The following THUMPD3 variants were observed in gnomAD, a reference collection of about 807,000 sequenced individuals.
THUMPD3 encodes THUMP domain 3 tRNA guanosine methyltransferase.
A neutral mutation model predicts 54.5 loss-of-function variants in THUMPD3; 44 were observed. That is an observed-to-expected ratio of 0.81 (90% CI 0.63 to 1.04). THUMPD3 has a LOEUF of 1.04. THUMPD3 is among the 50% of genes least tolerant of loss of function. THUMPD3 has a pLI of 0.00. For missense variants in THUMPD3, 604 were observed against 601.3 expected (o/e 1.00, Z -0.05); for synonymous variants, 196 against 201.4 (o/e 0.97, Z 0.23).
In THUMPD3 at chr3:9,384,880, T is replaced by A; in HGVS notation, c.*192T>A. 1.6e-6 allele frequency: 1 copy of A among 619,888 alleles called. No homozygotes were observed. Among genetic ancestry groups the A allele is most frequent in the Non-Finnish European group, 2.7e-6 (1 of 368,514 alleles). 38.4% of individuals were successfully genotyped at this position (619,888 alleles called of 1,614,324 possible). ...GTTTTATGAGACCAGGCACAGTGGCTCACGACTGTAATTCCAGCAGTTTAG... is the reference window on the plus strand; with the variant it reads ...GTTTTATGAGACCAGGCACAGTGGCACACGACTGTAATTCCAGCAGTTTAG... On this transcript the variant is annotated 3_prime_UTR_variant, in exon 10 of 10. Transcript: ENST00000452837.
rs1382419359 is a variant in THUMPD3 at position 9,385,222 on chromosome 3, T to C, written c.*534T>C. On this transcript the variant is annotated 3_prime_UTR_variant, in exon 10 of 10. Transcript: ENST00000452837. ...TTAATTAGTATTTTGTTGAAAATAC[T>C]TTAAAGATGCCTAGTGAAAAGCCTA... 2 of 153,106 alleles carry C rather than the reference T, an allele frequency of 1.3e-5. No individual in the cohort carries two copies. The highest frequency in any genetic ancestry group is 6.5e-5 in the Admixed American group (1 of 15,410). 9.5% of individuals were successfully genotyped at this position (153,106 alleles called of 1,614,324 possible).
At chr3:9,366,014 T>A (rs1052386581) in intron 2 of THUMPD3, among the ~76,000 whole-genome samples, 1 of 152,156 alleles carries the variant, frequency 6.6e-6, no homozygotes. Flanking sequence ...GTAGTAGGAT[T>A]GCTACATTTT....
chr3:9,374,274 C>T (rs1490177268), intron 4 of THUMPD3, among the ~76,000 whole-genome samples: 1 of 152,050 alleles, frequency 6.6e-6, no homozygotes, highest in Non-Finnish European at 1.5e-5. Context: ...ATTTTGAAGG[C>T]TTAGAGGTTT....
At chr3:9,374,190 CTA>C (rs1229934666) in intron 4 of THUMPD3, among the ~76,000 whole-genome samples, 1 of 152,056 alleles carries the variant, frequency 6.6e-6, no homozygotes, top group African/African-American at 2.4e-5. Context: ...ATTTTAATAT[CTA>C]TTATTTTCTT....
At chr3:9,367,216 G>C (rs1232630326) in intron 3 of THUMPD3, among the ~76,000 whole-genome samples, 1 of 152,146 alleles carries the variant, frequency 6.6e-6, no homozygotes, top group Non-Finnish European at 1.5e-5. Context: ...AAAACACCTT[G>C]TTTTACTTGT....
At position 9,384,564 on chromosome 3, in the gene THUMPD3, C is replaced by G. The variant is rs2033195992; in HGVS notation, c.1400C>G (p.Thr467Arg). 1 of 1,614,158 alleles carries G rather than the reference C, an allele frequency of 6.2e-7. No homozygotes were observed. Among genetic ancestry groups the G allele is most frequent in the Non-Finnish European group, 8.5e-7 (1 of 1,180,040 alleles). Reference sequence around the variant, plus strand: ...CGACACGTATGGCGAAAGGTGGATACAGTCTGGGTGAACGTTGGTGGTCTT... The same window carrying G: ...CGACACGTATGGCGAAAGGTGGATAGAGTCTGGGTGAACGTTGGTGGTCTT... ...GMRHVWRKVD[T>R]VWVNVGGLRA... is the part of the protein sequence containing the mutation. The change falls in exon 10 of 10, where the codon ACA becomes AGA. Residue 467 changes from threonine to arginine, a missense_variant. Physicochemically the swap from Thr to Arg is moderately conservative, Grantham distance 71. Coordinates refer to ENST00000452837, the MANE Select transcript of THUMPD3 (RefSeq NM_001114092.2).
intron 6 of THUMPD3, 90 bp from the exon 7 acceptor site, chr3:9,380,413 G>A: frequency 1.1e-6 from 1 of 882,426 alleles, no homozygotes; most frequent in Non-Finnish European, 1.8e-6. Flanking sequence ...TGCCACTCTA[G>A]AAAAGCACTG....
rs1414451027 is a variant in THUMPD3 at position 9,384,548 on chromosome 3, T to A, written c.1384T>A (p.Trp462Arg). 1.9e-6 allele frequency: 3 copies of A among 1,614,122 alleles called. No individual in the cohort carries two copies. The South Asian group carries it at 3.3e-5, about 18-fold the overall frequency. The change falls in exon 10 of 10, where the codon TGG becomes AGG. Residue 462 changes from tryptophan (W) to arginine (R), a missense_variant. By Grantham distance (101) the Trp-to-Arg change is moderately radical (BLOSUM62 -3). Coordinates refer to ENST00000452837, the MANE Select transcript of THUMPD3 (RefSeq NM_001114092.2). Reference protein sequence around the residue: ...TKALSGMRHVWRKVDTVWVNV... With the variant: ...TKALSGMRHVRRKVDTVWVNV... Reference sequence around the variant, plus strand: ...GGCGTTATCTGGAATGCGACACGTATGGCGAAAGGTGGATACAGTCTGGGT... The same window carrying A: ...GGCGTTATCTGGAATGCGACACGTAAGGCGAAAGGTGGATACAGTCTGGGT...
chr3:9,383,190 TC>T lies in THUMPD3; in HGVS notation c.1125-5del, dbSNP rs1372627293. ...AGTATGTTGAAGCACCTTTCCTTTG[TC>T]CCCACAGCAAACCCTCCTGGGGCTT... On this transcript the variant is annotated splice_polypyrimidine_tract_variant and splice_region_variant and intron_variant, in intron 7 of 9. Coordinates refer to ENST00000452837, the MANE Select transcript of THUMPD3 (RefSeq NM_001114092.2). The T allele has an allele frequency of 5.0e-6, 8 of 1,604,336 alleles. No individual in the cohort carries two copies. Among genetic ancestry groups the T allele is most frequent in the Non-Finnish European group, 6.8e-6 (8 of 1,171,556 alleles).
In THUMPD3 at chr3:9,384,805, C is replaced by T; in HGVS notation, c.*117C>T. On this transcript the variant is annotated 3_prime_UTR_variant, in exon 10 of 10. Coordinates refer to ENST00000452837, the MANE Select transcript of THUMPD3 (RefSeq NM_001114092.2). ...GCACTCTTTAAACCTGTTTAAGGCT[C>T]TTCATCCTGGTTAGCAAAAGGTGTG... is the stretch of plus-strand genomic sequence containing the variant. 8.4e-7 allele frequency: 1 copy of T among 1,189,430 alleles called. No individual in the cohort carries two copies. The highest frequency in any genetic ancestry group is 1.2e-6 in the Non-Finnish European group (1 of 848,280). The allele number at this position is 1,189,430 out of a possible 1,614,324, so 73.7% of individuals were successfully genotyped here. A position where few individuals can be genotyped will look rare whatever the true frequency, so the allele number is the denominator to read the frequency against.
chr3:9,364,451 A>G lies in THUMPD3; in HGVS notation c.-53-565A>G, dbSNP rs907304428. 2.6e-5 allele frequency among the ~76,000 whole-genome samples: 4 copies of G among 151,814 alleles called. 1 individual carries two copies. The highest frequency in any genetic ancestry group is 2.1e-4 in the South Asian group (1 of 4,812). On this transcript the variant is annotated intron_variant, in intron 1 of 9. Transcript: ENST00000452837. ...AATCTCCACCTCCCGGATTCAAGCA[A>G]TTCTCCTCCCTCAGCCTCCCAAGTA...
chr3:9,376,952 T>G (rs543315223), intron 5 of THUMPD3, among the ~76,000 whole-genome samples: 45 of 152,314 alleles, frequency 3.0e-4, no homozygotes, highest in African/African-American at 1.1e-3. Context: ...TGGAAAGAGC[T>G]TAAGTCCATG....
At chr3:9,383,913 A>G (rs1018100093) in intron 8 of THUMPD3, among the ~76,000 whole-genome samples, 2 of 152,128 alleles carry the variant, frequency 1.3e-5, no homozygotes, top group African/African-American at 2.4e-5. Context: ...TGAGCCACCA[A>G]AACACCTGGC....
chr3:9,380,634 AT>A lies in THUMPD3; in HGVS notation c.1124+19del. 1 of 1,545,392 alleles carries A rather than the reference AT, an allele frequency of 6.5e-7. No individual in the cohort carries two copies. Among genetic ancestry groups the A allele is most frequent in the Non-Finnish European group, 8.9e-7 (1 of 1,122,824 alleles). On this transcript the variant is annotated intron_variant, in intron 7 of 9. Transcript: ENST00000452837. Reference sequence around the variant, plus strand: ...TTAAAGAAGGGTAAAAATTTAAAAGATTTCTTAGCATCTTTTAGAGTTAGAG... The same window carrying A: ...TTAAAGAAGGGTAAAAATTTAAAAGATTCTTAGCATCTTTTAGAGTTAGAG...
Position 9,383,388 on chromosome 3 carries a change from C to T in THUMPD3, c.1235+79C>T. 6 of 1,155,668 alleles carry T rather than the reference C, an allele frequency of 5.2e-6. 1 individual carries two copies. The highest frequency in any genetic ancestry group is 4.4e-4 in the Middle Eastern group (2 of 4,530). 71.6% of individuals were successfully genotyped at this position (1,155,668 alleles called of 1,614,324 possible). The stretch of plus-strand genomic sequence containing the variant: ...GTTTATTCTAAGTCAGGAAAAAAAT[C>T]TTGAATTTTAGCAGACTTAGCAGAG... On this transcript the variant is annotated intron_variant, in intron 8 of 9. Transcript: ENST00000452837.
At chr3:9,375,937 G>T (rs1437504280) in intron 5 of THUMPD3, among the ~76,000 whole-genome samples, 1 of 152,192 alleles carries the variant, frequency 6.6e-6, no homozygotes, top group Admixed American at 6.5e-5. Context: ...TTGGAAGATT[G>T]TCATGCAGTA....
intron 8 of THUMPD3, 56 bp downstream of exon 8, chr3:9,383,365 T>TAG: frequency 7.3e-7 from 1 of 1,375,582 alleles, no homozygotes; most frequent in Non-Finnish European, 1.0e-6. Context: ...TTCCTTGCGT[T>TAG]TATTCTAAGT....
chr3:9,380,195 C>G (rs572794459), intron 6 of THUMPD3, among the ~76,000 whole-genome samples: 1 of 151,962 alleles, frequency 6.6e-6, no homozygotes, highest in African/African-American at 2.4e-5. Flanking sequence ...AATAATTAAC[C>G]GTGGGACAAG....
In THUMPD3 at chr3:9,377,918, G is replaced by C. The variant is rs371834291; in HGVS notation, c.1008+30G>C. On this transcript the variant is annotated intron_variant, in intron 6 of 9. Coordinates refer to ENST00000452837, the MANE Select transcript of THUMPD3 (RefSeq NM_001114092.2). ...TCATATTTCTTTAGCTTTTAGATAA[G>C]AGTGATACATCCAGAATATTCTAGA... is the stretch of plus-strand genomic sequence containing the variant. The C allele has an allele frequency of 2.0e-5, 31 of 1,555,434 alleles. No individual in the cohort carries two copies. In the African/African-American group the frequency reaches 4.1e-4, roughly 20 times the overall value.
Sources: allele counts gnomAD v4.1 joint callset (sites outside exome capture counted in the v4.1 genomes callset), GRCh38; gene constraint gnomAD v4.1.1; transcripts MANE v1.5; gene names NCBI Gene and HGNC (gene_info 2026-07-23, HGNC 2026-07-21).